The following SLC35F3 variants were observed in gnomAD, a reference collection of about 807,000 sequenced individuals.
SLC35F3 encodes the protein solute carrier family 35 member F3, also known as putative thiamine transporter SLC35F3.
A neutral mutation model predicts 49.9 loss-of-function variants in SLC35F3; 25 were observed. That is an observed-to-expected ratio of 0.50 (90% CI 0.37 to 0.70). The LOEUF (loss-of-function observed/expected upper bound fraction) is 0.70, where lower values mean the gene tolerates loss of function less well. SLC35F3 is among the 30% of genes least tolerant of loss of function. The probability of loss-of-function intolerance (pLI) is 0.00; values close to 1 mark genes in which losing one functional copy is unlikely to be tolerated. For missense variants in SLC35F3, 525 were observed against 639.8 expected (o/e 0.82, Z 1.94); for synonymous variants, 275 against 265.4 (o/e 1.04, Z -0.35).
At position 234,304,059 on chromosome 1, in the gene SLC35F3, TTTCCTTCCTTCCTTTC is replaced by T. The variant is rs1177895353; in HGVS notation, c.609-5027_609-5012del. Among the ~76,000 whole-genome samples the T allele has an allele frequency of 2.4e-3, 177 of 75,108 alleles. 1 individual carries two copies. Among genetic ancestry groups the T allele is most frequent in the African/African-American group, 3.7e-3 (74 of 20,088 alleles). The allele number at this position is 75,108 out of a possible 152,430, so 49.3% of individuals were successfully genotyped here. A position where few individuals can be genotyped will look rare whatever the true frequency, so the allele number is the denominator to read the frequency against. On this transcript the variant is annotated intron_variant, in intron 3 of 7. Transcript: ENST00000366618. ...CTTCCTTCCTTCTTTCTTTCCTTCC[TTTCCTTCCTTCCTTTC>T]TTCCTTCCTTCCTTCCTTCCTTCTT...
intron 2 of SLC35F3, among the ~76,000 whole-genome samples, chr1:234,076,441 A>T (rs1332192979): frequency 6.6e-6 from 1 of 151,518 alleles, no homozygotes; most frequent in Non-Finnish European, 1.5e-5. Flanking sequence ...CTCTCTACAA[A>T]AATAATAATA....
At chr1:234,145,041 T>C (rs1475533438) in intron 2 of SLC35F3, among the ~76,000 whole-genome samples, 1 of 152,234 alleles carries the variant, frequency 6.6e-6, no homozygotes, top group African/African-American at 2.4e-5. Context: ...ACAATTGTAG[T>C]ATCCTCCAGG....
chr1:234,006,361 T>G (rs1288434299), intron 2 of SLC35F3, among the ~76,000 whole-genome samples: 1 of 152,200 alleles, frequency 6.6e-6, no homozygotes, highest in Non-Finnish European at 1.5e-5. Context: ...ATAGAGTGAT[T>G]TATTTTGCTT....
chr1:234,218,021 A>T (rs1667149227), intron 2 of SLC35F3, among the ~76,000 whole-genome samples: 1 of 152,232 alleles, frequency 6.6e-6, no homozygotes, highest in Non-Finnish European at 1.5e-5. Flanking sequence ...GCCCAGAAGC[A>T]TGAGGAGAGT....
At chr1:233,984,902 C>T (rs1240069199) in intron 2 of SLC35F3, among the ~76,000 whole-genome samples, 1 of 152,166 alleles carries the variant, frequency 6.6e-6, no homozygotes, top group African/African-American at 2.4e-5. Flanking sequence ...TTGTTTTAAG[C>T]TGCTATCATC....
intron 2 of SLC35F3, among the ~76,000 whole-genome samples, chr1:233,988,424 T>C (rs1663300164): frequency 6.6e-6 from 1 of 152,216 alleles, no homozygotes. Flanking sequence ...TGTCTACACA[T>C]ATTCAGAATC....
chr1:234,234,234 G>A (rs1478512778), intron 3 of SLC35F3, among the ~76,000 whole-genome samples: 2 of 152,208 alleles, frequency 1.3e-5, no homozygotes, highest in African/African-American at 2.4e-5. Context: ...AAGAAAAGGA[G>A]ATGAACAGAG....
At chr1:234,161,372 GTT>G (rs1666225009) in intron 2 of SLC35F3, among the ~76,000 whole-genome samples, 2 of 151,844 alleles carry the variant, frequency 1.3e-5, no homozygotes, top group Non-Finnish European at 2.9e-5. Context: ...TTCTGCAGAG[GTT>G]GATGCTACAC....
intron 2 of SLC35F3, among the ~76,000 whole-genome samples, chr1:234,161,635 AC>A (rs1235004120): frequency 6.6e-6 from 1 of 152,020 alleles, no homozygotes; most frequent in Non-Finnish European, 1.5e-5. Flanking sequence ...AAAATGTAAA[AC>A]AAAAAATACG....
intron 2 of SLC35F3, among the ~76,000 whole-genome samples, chr1:234,021,621 G>A (rs760795431): frequency 9.9e-5 from 15 of 152,154 alleles, no homozygotes; most frequent in Non-Finnish European, 2.1e-4. Context: ...AAGGCAGACA[G>A]CCAATGTTGA....
chr1:233,971,234 G>A (rs1404102447), intron 2 of SLC35F3, among the ~76,000 whole-genome samples: 1 of 152,216 alleles, frequency 6.6e-6, no homozygotes, highest in Non-Finnish European at 1.5e-5. Flanking sequence ...AGAAGGGAGA[G>A]GCCCCTTTCC....
At chr1:234,060,846 C>A (rs1369085033) in intron 2 of SLC35F3, among the ~76,000 whole-genome samples, 1 of 152,176 alleles carries the variant, frequency 6.6e-6, no homozygotes, top group African/African-American at 2.4e-5. Flanking sequence ...CTGAAGTAAT[C>A]TCTTTATCCC....
intron 2 of SLC35F3, among the ~76,000 whole-genome samples, chr1:234,122,719 G>C (rs1665594222): frequency 6.6e-6 from 1 of 152,126 alleles, no homozygotes; most frequent in Non-Finnish European, 1.5e-5. Flanking sequence ...TGTGGTGTTT[G>C]GTTTTCTGTT....
intron 3 of SLC35F3, among the ~76,000 whole-genome samples, chr1:234,263,570 G>A (rs1042055111): frequency 6.6e-6 from 1 of 152,122 alleles, no homozygotes; most frequent in Admixed American, 6.5e-5. Flanking sequence ...TACCACCCAG[G>A]AGCTTGCTGG....
At chr1:234,302,218 C>T (rs1668704292) in intron 3 of SLC35F3, among the ~76,000 whole-genome samples, 2 of 151,924 alleles carry the variant, frequency 1.3e-5, no homozygotes, top group African/African-American at 4.8e-5. Flanking sequence ...CAAAGAAGGC[C>T]TACAGAGGAA....
intron 2 of SLC35F3, among the ~76,000 whole-genome samples, chr1:234,152,811 C>G (rs1232250642): frequency 1.3e-5 from 2 of 152,156 alleles, no homozygotes; most frequent in Admixed American, 6.5e-5. Flanking sequence ...ACACTGTCTT[C>G]CACAATAGTT....
chr1:234,257,170 G>A lies in SLC35F3; in HGVS notation c.608+25429G>A, dbSNP rs111615349. 3.5e-3 allele frequency among the ~76,000 whole-genome samples: 526 copies of A among 152,280 alleles called. 3 individuals carry two copies. The highest frequency in any genetic ancestry group is 0.011 in the African/African-American group (440 of 41,552). ...CCAAACTATAATAGTGCAACATATT[G>A]TCTGTCACCTTATGCTTGACTTTTA... On this transcript the variant is annotated intron_variant, in intron 3 of 7. Coordinates refer to ENST00000366618, the MANE Select transcript of SLC35F3 (RefSeq NM_173508.4).
At chr1:234,147,190 T>C (rs1666010240) in intron 2 of SLC35F3, among the ~76,000 whole-genome samples, 1 of 151,866 alleles carries the variant, frequency 6.6e-6, no homozygotes, top group African/African-American at 2.4e-5. Flanking sequence ...TTTGACACCC[T>C]TTAATTCTGG....
At chr1:234,202,893 A>G (rs1291581867) in intron 2 of SLC35F3, among the ~76,000 whole-genome samples, 1 of 152,260 alleles carries the variant, frequency 6.6e-6, no homozygotes, top group Non-Finnish European at 1.5e-5. Flanking sequence ...AAGAAGCAGC[A>G]GGAAGAAAAG....
Sources: gnomAD v4.1 joint callset for allele counts (sites outside exome capture counted in the v4.1 genomes callset) on GRCh38, gnomAD v4.1.1 for gene constraint, MANE v1.5 for transcripts, NCBI Gene and HGNC (gene_info 2026-07-23, HGNC 2026-07-21) for gene names.